ZNF331: variants seen among roughly 807,000 people sequenced by gnomAD.
The protein encoded by ZNF331 is C2H2-like zinc finger protein rearranged in thyroid adenomas.
Under a neutral mutation model 7.0 loss-of-function variants are expected in ZNF331, and 2 were observed. The observed-to-expected ratio is 0.29, with a 90% CI of 0.12 to 0.90. The LOEUF is 0.90. Ranked by LOEUF, ZNF331 falls within the 40% of genes least tolerant of loss-of-function variation. The probability of loss-of-function intolerance (pLI) is 0.58; values close to 1 mark genes in which losing one functional copy is unlikely to be tolerated. For missense variants in ZNF331, 432 were observed against 587.7 expected, an observed-to-expected ratio of 0.74 and a Z score of 2.74; for synonymous variants, 196 against 205.4, an observed-to-expected ratio of 0.95 and a Z score of 0.39.
At chr19:53,509,059 T>G in the ZNF331 span, among the ~76,000 whole-genome samples, 1,969 of 152,168 alleles carry the variant, frequency 0.013, 21 homozygotes, top group Non-Finnish European at 0.019. Context: ...CTGGAAATGA[T>G]GTTGGGCCAG....
At chr19:53,567,534 C>T (rs975254795) in intron 3 of ZNF331, among the ~76,000 whole-genome samples, 3 of 152,118 alleles carry the variant, frequency 2.0e-5, no homozygotes, top group Admixed American at 2.0e-4. Context: ...GGGGATTCCT[C>T]AAACCGCCCT....
At chr19:53,570,335 T>G (rs1439279556) in intron 4 of ZNF331, among the ~76,000 whole-genome samples, 1 of 151,246 alleles carries the variant, frequency 6.6e-6, no homozygotes, top group Admixed American at 6.6e-5. Flanking sequence ...TCTTCCAGTA[T>G]GGAAGTAGGA....
At chr19:53,565,529 A>T (rs1000196410) in intron 3 of ZNF331, among the ~76,000 whole-genome samples, 9 of 148,908 alleles carry the variant, frequency 6.0e-5, no homozygotes, top group African/African-American at 2.0e-4. Context: ...TTTTATTTTT[A>T]TTTTTTTTTC....
chr19:53,570,055 A>G (rs1162076060), intron 4 of ZNF331, among the ~76,000 whole-genome samples: 3 of 152,136 alleles, frequency 2.0e-5, no homozygotes, highest in African/African-American at 7.2e-5. Flanking sequence ...CAGGAGTTCA[A>G]AACCAACCTG....
At chr19:53,574,932 CTTTTCT>C (rs2090633626) in intron 5 of ZNF331, among the ~76,000 whole-genome samples, 4 of 132,968 alleles carry the variant, frequency 3.0e-5, no homozygotes, top group African/African-American at 5.7e-5. Flanking sequence ...GTATTTTTTT[CTTTTCT>C]TTTTTTTTTT....
chr19:53,536,491 A>C (rs181511066), upstream of ZNF331: 1 of 152,328 alleles, frequency 6.6e-6, no homozygotes, highest in East Asian at 1.9e-4. Flanking sequence ...ATTCTTCAGA[A>C]GTTTTCTTAA....
In ZNF331 at chr19:53,564,933, T is replaced by C. The variant is rs142141677; in HGVS notation, c.-73-4371T>C. 5.3e-5 allele frequency among the ~76,000 whole-genome samples: 8 copies of C among 152,352 alleles called. No homozygotes were observed. In the East Asian group the frequency reaches 1.5e-3, roughly 29 times the overall value. On this transcript the variant is annotated intron_variant, in intron 3 of 5. Coordinates refer to ENST00000449416, the MANE Select transcript of ZNF331 (RefSeq NM_001079906.2). ...TTATCTCAGTTTAAAAGACAATCTT[T>C]CCTAGAAAAAACTGATTTTTTGAAC...
At chr19:53,570,509 A>G (rs555420960) in intron 4 of ZNF331, among the ~76,000 whole-genome samples, 150 of 152,132 alleles carry the variant, frequency 9.9e-4, no homozygotes, top group African/African-American at 3.4e-3. Context: ...AGGCTTGAAA[A>G]CATTCAAACA....
At chr19:53,545,867 G>A (rs1305755768) in intron 2 of ZNF331, among the ~76,000 whole-genome samples, 1 of 152,128 alleles carries the variant, frequency 6.6e-6, no homozygotes, top group Non-Finnish European at 1.5e-5. Flanking sequence ...CTCAGGAGTG[G>A]GAGTCCTTGT....
intron 3 of ZNF331, among the ~76,000 whole-genome samples, chr19:53,566,866 T>G (rs543178855): frequency 6.6e-6 from 1 of 152,292 alleles, no homozygotes; most frequent in Admixed American, 6.5e-5. Flanking sequence ...TTTTATTTAT[T>G]TTTCTACTGA....
intron 3 of ZNF331, among the ~76,000 whole-genome samples, 169 bp from the exon 4 acceptor site, chr19:53,569,135 C>T (rs895088966): frequency 4.6e-5 from 7 of 152,062 alleles, no homozygotes; most frequent in African/African-American, 1.7e-4. Context: ...GGATTACAGG[C>T]GTGAGCCACC....
intron 3 of ZNF331, among the ~76,000 whole-genome samples, chr19:53,563,212 C>G (rs374768343): frequency 6.6e-6 from 1 of 151,390 alleles, no homozygotes. Context: ...CTCAGCCTCC[C>G]AAGAAGCTGG....
At chr19:53,520,534 T>G (rs1385742137), upstream of ZNF331, among the ~76,000 whole-genome samples, 1 of 152,188 alleles carries the variant, frequency 6.6e-6, no homozygotes, top group African/African-American at 2.4e-5. Context: ...GCTTCCAGCA[T>G]TTGAAGATTC....
intron 5 of ZNF331, among the ~76,000 whole-genome samples, chr19:53,576,142 G>A (rs981293849): frequency 6.6e-6 from 1 of 151,956 alleles, no homozygotes. Context: ...GCGCCACCAT[G>A]TCCGGCTAAT....
upstream of ZNF331, among the ~76,000 whole-genome samples, chr19:53,518,944 G>A (rs936791847): frequency 1.3e-5 from 2 of 152,228 alleles, no homozygotes; most frequent in African/African-American, 2.4e-5. Flanking sequence ...ACAGATGGTG[G>A]AAGAATGTGC....
chr19:53,525,177 A>G (rs1209151856), intron 2 of ZNF331, among the ~76,000 whole-genome samples: 1 of 152,156 alleles, frequency 6.6e-6, no homozygotes, highest in African/African-American at 2.4e-5. Context: ...GCCTTGTAGT[A>G]TAGTTTGAAG....
chr19:53,523,042 A>T (rs1379422317), intron 2 of ZNF331, among the ~76,000 whole-genome samples: 4 of 151,764 alleles, frequency 2.6e-5, no homozygotes, highest in Admixed American at 2.6e-4. Flanking sequence ...TTAATTTTTT[A>T]AATTTTTATA....
intron 3 of ZNF331, among the ~76,000 whole-genome samples, chr19:53,556,923 A>C (rs1033395848): frequency 6.9e-6 from 1 of 145,050 alleles, no homozygotes; most frequent in Non-Finnish European, 1.5e-5. Context: ...CTCCCACCTC[A>C]GCCTTCTGAG....
chr19:53,534,551 G>A (rs1329533106), upstream of ZNF331, among the ~76,000 whole-genome samples: 1 of 152,070 alleles, frequency 6.6e-6, no homozygotes, highest in Non-Finnish European at 1.5e-5. Flanking sequence ...CCTCCCAAAT[G>A]CTGGGATTAC....
Sources: allele counts gnomAD v4.1 joint callset (sites outside exome capture counted in the v4.1 genomes callset), GRCh38; gene constraint gnomAD v4.1.1; transcripts MANE v1.5; gene names NCBI Gene and HGNC (gene_info 2026-07-23, HGNC 2026-07-21).